PCDHGA8: variants seen among roughly 807,000 people sequenced by gnomAD.
PCDHGA8 encodes the protein protocadherin gamma-A8.
Under a neutral mutation model 59.2 loss-of-function variants are expected in PCDHGA8, and 45 were observed. The observed-to-expected ratio is 0.76, with a 90% CI of 0.60 to 0.98. PCDHGA8 has a LOEUF of 0.98. Ranked by LOEUF, PCDHGA8 falls within the 50% of genes least tolerant of loss-of-function variation. The pLI is 0.00. For missense variants in PCDHGA8, 1,257 were observed against 1,196.2 expected, an observed-to-expected ratio of 1.05 and a Z score of -0.75; for synonymous variants, 531 against 519.0, an observed-to-expected ratio of 1.02 and a Z score of -0.32.
At chr5:141,420,551 ATTTTTACGGCATGGT>A (rs2096505176) in intron 1 of PCDHGA8, 3 of 266,550 alleles carry the variant, frequency 1.1e-5, no homozygotes, top group Admixed American at 5.1e-5. Context: ...ATACAGGTAT[ATTTTTACGGCATGGT>A]ATTTTAATTG....
intron 1 of PCDHGA8, chr5:141,419,208 C>G: frequency 5.6e-6 from 9 of 1,613,966 alleles, no homozygotes; most frequent in Non-Finnish European, 6.8e-6. Flanking sequence ...GACAACGCGC[C>G]GGTTTTCGGA....
chr5:141,420,974 T>C, intron 1 of PCDHGA8: 1 of 460,696 alleles, frequency 2.2e-6, no homozygotes, highest in Non-Finnish European at 3.8e-6. Flanking sequence ...ATAATAAGAA[T>C]GGGCTCTAGG....
At position 141,431,828 on chromosome 5, in the gene PCDHGA8, C is replaced by G. The variant is rs750949066; in HGVS notation, c.2424+36591C>G. ...CCTCACCTCTCTCGCCAGCTCGGTTCCCGAAAACTCTCCCAGAGGGACATT... is the reference window on the plus strand; with the variant it reads ...CCTCACCTCTCTCGCCAGCTCGGTTGCCGAAAACTCTCCCAGAGGGACATT... On this transcript the variant is annotated intron_variant, in intron 1 of 3. Coordinates refer to ENST00000398604, the MANE Select transcript of PCDHGA8 (RefSeq NM_032088.2). This position sits in a 1 kb window ranked among gnomAD's most constrained non-coding sequence, Gnocchi z 4.8. The G allele has an allele frequency of 5.6e-6, 9 of 1,610,208 alleles. No homozygotes were observed. Among genetic ancestry groups the G allele is most frequent in the Non-Finnish European group, 1.7e-6 (2 of 1,176,374 alleles).
Position 141,486,998 on chromosome 5 carries a change from C to G in PCDHGA8, c.2425-7809C>G, listed in dbSNP as rs754609128. On this transcript the variant is annotated intron_variant, in intron 1 of 3. Coordinates refer to ENST00000398604, the MANE Select transcript of PCDHGA8 (RefSeq NM_032088.2). The surrounding 1 kb of genome is among the most constrained non-coding windows in gnomAD (Gnocchi z 5.0). ...AGGTTACAATGCTTGGGTTTCCTAT[C>G]AGCTCCTGGAGGCCCCAGATCCCAG... The G allele has an allele frequency of 6.2e-7, 1 of 1,614,206 alleles. No homozygotes were observed. Among genetic ancestry groups the G allele is most frequent in the Non-Finnish European group, 8.5e-7 (1 of 1,180,034 alleles).
At chr5:141,403,099 C>G in intron 1 of PCDHGA8, 5 of 1,614,056 alleles carry the variant, frequency 3.1e-6, no homozygotes, top group Non-Finnish European at 4.2e-6. Context: ...GCAACATCTC[C>G]AAGGACCTGG....
Position 141,491,874 on chromosome 5 carries a change from T to G in PCDHGA8, c.2425-2933T>G, listed in dbSNP as rs1160702024. On this transcript the variant is annotated intron_variant, in intron 1 of 3. Coordinates refer to ENST00000398604, the MANE Select transcript of PCDHGA8 (RefSeq NM_032088.2). The surrounding 1 kb of genome is among the most constrained non-coding windows in gnomAD (Gnocchi z 6.9). ...GTTTGCGCGAAACCAGAGTGGCCGA[T>G]TAAGGGATGGGGCTCCGAGCACCGG... 15 of 1,451,168 alleles carry G rather than the reference T, an allele frequency of 1.0e-5. No homozygotes were observed. The highest frequency in any genetic ancestry group is 1.4e-5 in the Non-Finnish European group (15 of 1,098,162). 89.9% of individuals were successfully genotyped at this position (1,451,168 alleles called of 1,614,324 possible). A position where few individuals can be genotyped will look rare whatever the true frequency, so the allele number is the denominator to read the frequency against.
intron 1 of PCDHGA8, chr5:141,426,791 C>T (rs2096960403): frequency 2.2e-6 from 1 of 456,574 alleles, no homozygotes; most frequent in Non-Finnish European, 4.4e-6. Context: ...TCCAGAGTTA[C>T]CAGCTCAGTT....
chr5:141,460,582 G>A (rs1246329967), intron 1 of PCDHGA8, among the ~76,000 whole-genome samples: 2 of 152,022 alleles, frequency 1.3e-5, no homozygotes, highest in South Asian at 4.1e-4. Context: ...GTAGGTGTGG[G>A]TTTTTTCTGG....
chr5:141,394,521 G>C lies in PCDHGA8; in HGVS notation c.1708G>C (p.Asp570His). Reference protein sequence around the residue: ...PEILYPALPTDGSTGVELAPR... With the variant: ...PEILYPALPTHGSTGVELAPR... ...GATCCTGTACCCCGCCCTCCCCACA[G>C]ACGGTTCCACTGGCGTGGAGCTGGC... The change falls in exon 1 of 4, where the codon GAC (aspartate) becomes CAC (histidine). Residue 570 changes from aspartate (D) to histidine (H), a missense_variant. Asp to His is a moderately conservative substitution (Grantham distance 81, BLOSUM62 -1). Coordinates refer to ENST00000398604, the MANE Select transcript of PCDHGA8 (RefSeq NM_032088.2). 6.2e-7 allele frequency: 1 copy of C among 1,614,212 alleles called. No individual in the cohort carries two copies. Among genetic ancestry groups the C allele is most frequent in the Non-Finnish European group, 8.5e-7 (1 of 1,180,044 alleles).
chr5:141,478,040 C>G (rs773058963), intron 1 of PCDHGA8: 1 of 1,614,160 alleles, frequency 6.2e-7, no homozygotes, highest in Non-Finnish European at 8.5e-7. Context: ...TTCACCCAGG[C>G]AGACTCTCAC....
At chr5:141,405,955 CCTG>C (rs1293666113) in intron 1 of PCDHGA8, among the ~76,000 whole-genome samples, 4 of 152,056 alleles carry the variant, frequency 2.6e-5, no homozygotes, top group African/African-American at 9.7e-5. Context: ...TAATAATTAA[CCTG>C]CTGTCAACGT....
In PCDHGA8 at chr5:141,490,959, C is replaced by T. The variant is rs1385897960; in HGVS notation, c.2425-3848C>T. ...TGCACCCACGGCCAGACTGGGAACA[C>T]TCAGCCCCCCAGCGTCTCCCTCGCT... On this transcript the variant is annotated intron_variant, in intron 1 of 3. Transcript: ENST00000398604. The surrounding 1 kb of genome is among the most constrained non-coding windows in gnomAD (Gnocchi z 5.4). 6.2e-7 allele frequency: 1 copy of T among 1,613,844 alleles called. No individual in the cohort carries two copies. Among genetic ancestry groups the T allele is most frequent in the South Asian group, 1.1e-5 (1 of 91,038 alleles).
At chr5:141,433,285 C>G in intron 1 of PCDHGA8, 1 of 1,169,826 alleles carries the variant, frequency 8.5e-7, no homozygotes, top group Non-Finnish European at 1.2e-6. Flanking sequence ...CCTCAAACTC[C>G]TAGGCTCAAG....
At chr5:141,421,318 C>A (rs370020854) in intron 1 of PCDHGA8, 1 of 1,613,822 alleles carries the variant, frequency 6.2e-7, no homozygotes. Context: ...CCGGGCCAGG[C>A]AGATCCGATA....
At chr5:141,488,478 A>T (rs1251914951) in intron 1 of PCDHGA8, among the ~76,000 whole-genome samples, 5 of 152,072 alleles carry the variant, frequency 3.3e-5, no homozygotes, top group African/African-American at 4.8e-5. Flanking sequence ...ATGTTCCCCT[A>T]CCCAAAAACT....
At position 141,404,352 on chromosome 5, in the gene PCDHGA8, G is replaced by A. The variant is rs1378093484; in HGVS notation, c.2424+9115G>A. 1.7e-5 allele frequency: 27 copies of A among 1,613,812 alleles called. No individual in the cohort carries two copies. The South Asian group carries it at 2.9e-4, about 17-fold the overall frequency. On this transcript the variant is annotated intron_variant, in intron 1 of 3. Coordinates refer to ENST00000398604, the MANE Select transcript of PCDHGA8 (RefSeq NM_032088.2). ...GTCTACCTCCCGGAAAACAACGCCAGAGGTACTTCCATCTTCTCCGTGATT... is the reference window on the plus strand; with the variant it reads ...GTCTACCTCCCGGAAAACAACGCCAAAGGTACTTCCATCTTCTCCGTGATT...
Position 141,490,778 on chromosome 5 carries a change from A to T in PCDHGA8, c.2425-4029A>T, listed in dbSNP as rs964301520. The T allele has an allele frequency of 5.6e-6, 9 of 1,614,098 alleles. No individual in the cohort carries two copies. The highest frequency in any genetic ancestry group is 7.6e-6 in the Non-Finnish European group (9 of 1,179,962). On this transcript the variant is annotated intron_variant, in intron 1 of 3. Transcript: ENST00000398604. This position sits in a 1 kb window ranked among gnomAD's most constrained non-coding sequence, Gnocchi z 5.4. ...TCCTTTGTGTATGTCAACCCAGAGG[A>T]TGGACGGATCTTTGCCCAGCGTACC... is the stretch of plus-strand genomic sequence containing the variant.
intron 1 of PCDHGA8, chr5:141,398,688 T>C: frequency 1.2e-6 from 2 of 1,613,938 alleles, no homozygotes; most frequent in South Asian, 2.2e-5. Flanking sequence ...AGAAACAGGA[T>C]GGTAGTAAAT....
Position 141,393,102 on chromosome 5 carries a change from G to C in PCDHGA8, c.289G>C (p.Ala97Pro), listed in dbSNP as rs768432261. Residue 97 changes from alanine (A) to proline (P), a missense_variant, in exon 1 of 4, where the codon GCT becomes CCT. Ala to Pro is a conservative substitution (Grantham distance 27). Coordinates refer to ENST00000398604, the MANE Select transcript of PCDHGA8 (RefSeq NM_032088.2). Reference protein sequence around the residue: ...AGRIDREELCAQSPRCLININ... With the variant: ...AGRIDREELCPQSPRCLININ... ...CAGGATAGATCGGGAGGAGCTCTGC[G>C]CTCAGAGCCCGCGGTGTCTGATAAA... 1.2e-6 allele frequency: 2 copies of C among 1,613,568 alleles called. No homozygotes were observed. The highest frequency in any genetic ancestry group is 1.7e-6 in the Non-Finnish European group (2 of 1,179,910).
Sources: gnomAD v4.1 joint callset for allele counts (sites outside exome capture counted in the v4.1 genomes callset) on GRCh38, gnomAD v4.1.1 for gene constraint, Gnocchi (gnomAD v3.1) non-coding constraint, MANE v1.5 for transcripts, NCBI Gene and HGNC (gene_info 2026-07-23, HGNC 2026-07-21) for gene names.